Variants in CNBD1 observed in about 807,000 individuals in gnomAD.
CNBD1 encodes cyclic nucleotide binding domain containing 1.
CNBD1 carries 71 observed loss-of-function variants against 54.4 expected under a neutral mutation model. That is an observed-to-expected ratio of 1.30 (90% confidence interval 1.08 to 1.59). CNBD1 has a LOEUF of 1.59. Among genes scored for constraint, CNBD1 ranks in the 40% most tolerant of loss-of-function variants. The pLI, the probability that CNBD1 is intolerant of heterozygous loss-of-function variation, is 0.00. For synonymous variants in CNBD1, 182 were observed against 170.7 expected (o/e 1.07, Z -0.51); for missense variants, 659 against 518.0 (o/e 1.27, Z -2.64).
At chr8:87,104,687 T>G (rs1811497462) in intron 4 of CNBD1, among the ~76,000 whole-genome samples, 1 of 152,260 alleles carries the variant, frequency 6.6e-6, no homozygotes, top group Non-Finnish European at 1.5e-5. Flanking sequence ...TGGTCCATAG[T>G]AAGAACTGAA....
chr8:87,368,907 A>G (rs1810700009), intron 10 of CNBD1, among the ~76,000 whole-genome samples: 1 of 151,882 alleles, frequency 6.6e-6, no homozygotes, highest in Non-Finnish European at 1.5e-5. Flanking sequence ...TCCAAATGTC[A>G]GATTCGGCTT....
chr8:86,891,245 A>G lies in CNBD1; in HGVS notation c.158+3634A>G, dbSNP rs187038313. The stretch of plus-strand genomic sequence containing the variant: ...AGTTTTAGATCTTTTGTATTTAATC[A>G]TTTTGAGTTTATTTTTGTATATGGT... On this transcript the variant is annotated intron_variant, in intron 2 of 10. Transcript: ENST00000518476. 8.4e-4 allele frequency among the ~76,000 whole-genome samples: 128 copies of G among 152,112 alleles called. 1 individual carries two copies. The highest frequency in any genetic ancestry group is 2.8e-3 in the African/African-American group (115 of 41,524).
intron 8 of CNBD1, among the ~76,000 whole-genome samples, chr8:87,345,344 C>T: frequency 6.6e-6 from 1 of 152,086 alleles, no homozygotes; most frequent in African/African-American, 2.4e-5. Context: ...AAACATTTCC[C>T]TTTTAATGTT....
chr8:87,054,431 A>G (rs13255427), intron 4 of CNBD1, among the ~76,000 whole-genome samples: 6,095 of 152,288 alleles, frequency 0.04, 143 homozygotes, highest in Middle Eastern at 0.058. Flanking sequence ...TATCATTGAG[A>G]GATAAATAGG....
intron 10 of CNBD1, among the ~76,000 whole-genome samples, chr8:87,372,381 G>T (rs1222729186): frequency 2.0e-5 from 3 of 151,806 alleles, no homozygotes; most frequent in Non-Finnish European, 4.4e-5. Flanking sequence ...TGTATACTTT[G>T]ATGTTTCCCA....
At chr8:86,906,957 G>A (rs1230095605) in intron 3 of CNBD1, among the ~76,000 whole-genome samples, 1 of 152,168 alleles carries the variant, frequency 6.6e-6, no homozygotes, top group Non-Finnish European at 1.5e-5. Flanking sequence ...ATTAAGATTT[G>A]TTTAAGTGTC....
At chr8:87,029,452 G>C (rs1330802222) in intron 4 of CNBD1, among the ~76,000 whole-genome samples, 2 of 152,140 alleles carry the variant, frequency 1.3e-5, no homozygotes, top group African/African-American at 2.4e-5. Flanking sequence ...ATTTTGTGTA[G>C]TTATGTCACA....
At chr8:87,048,305 T>C (rs1810243571) in intron 4 of CNBD1, among the ~76,000 whole-genome samples, 1 of 152,112 alleles carries the variant, frequency 6.6e-6, no homozygotes, top group Non-Finnish European at 1.5e-5. Flanking sequence ...CCTTGTCAAA[T>C]AGAAAATCAT....
chr8:87,117,775 A>C (rs1811805050), intron 4 of CNBD1, among the ~76,000 whole-genome samples: 1 of 152,224 alleles, frequency 6.6e-6, no homozygotes, highest in Non-Finnish European at 1.5e-5. Flanking sequence ...AAGGTACTCC[A>C]AATATTTGGC....
chr8:86,889,948 G>C (rs529910196), intron 2 of CNBD1, among the ~76,000 whole-genome samples: 6 of 151,902 alleles, frequency 3.9e-5, no homozygotes, highest in Non-Finnish European at 1.5e-5. Context: ...TTTAACTATT[G>C]TCTGGAGAGC....
intron 3 of CNBD1, among the ~76,000 whole-genome samples, chr8:86,936,473 G>A (rs895692625): frequency 1.1e-4 from 16 of 152,144 alleles, no homozygotes; most frequent in African/African-American, 3.9e-4. Context: ...AGGCATGGTG[G>A]CTAACACCTG....
At chr8:87,167,742 C>T (rs1411529295) in intron 4 of CNBD1, among the ~76,000 whole-genome samples, 3 of 151,864 alleles carry the variant, frequency 2.0e-5, no homozygotes, top group Admixed American at 6.6e-5. Context: ...TTATTTTCCA[C>T]TTGGATCAAA....
At chr8:87,091,529 G>A (rs937075578) in intron 4 of CNBD1, among the ~76,000 whole-genome samples, 2 of 152,160 alleles carry the variant, frequency 1.3e-5, no homozygotes, top group Non-Finnish European at 2.9e-5. Context: ...CAGGGAACTA[G>A]GCTTTTTAAG....
chr8:86,973,003 T>C (rs1392610698), intron 4 of CNBD1, among the ~76,000 whole-genome samples: 1 of 152,212 alleles, frequency 6.6e-6, no homozygotes, highest in African/African-American at 2.4e-5. Context: ...GTAAATAATT[T>C]CTTCATTAAA....
intron 8 of CNBD1, among the ~76,000 whole-genome samples, chr8:87,313,311 T>C (rs952221272): frequency 2.0e-5 from 3 of 152,024 alleles, no homozygotes; most frequent in Admixed American, 6.6e-5. Context: ...TAAATCAAAT[T>C]GGAGTTACTA....
intron 8 of CNBD1, among the ~76,000 whole-genome samples, chr8:87,304,107 A>G (rs1288512382): frequency 5.3e-5 from 8 of 152,126 alleles, no homozygotes; most frequent in Middle Eastern, 3.4e-3. Context: ...AACTAGAAAT[A>G]CCATTTGACC....
At chr8:86,986,292 T>C (rs1808605729) in intron 4 of CNBD1, among the ~76,000 whole-genome samples, 1 of 152,206 alleles carries the variant, frequency 6.6e-6, no homozygotes, top group African/African-American at 2.4e-5. Context: ...TATATGTTTA[T>C]TGGCCATTTG....
chr8:87,328,791 A>T (rs1809749157), intron 8 of CNBD1, among the ~76,000 whole-genome samples: 1 of 152,024 alleles, frequency 6.6e-6, no homozygotes, highest in Non-Finnish European at 1.5e-5. Context: ...ACAATGTTTT[A>T]TATTTTTCAG....
chr8:86,963,062 C>G (rs897984834), intron 4 of CNBD1, among the ~76,000 whole-genome samples: 1 of 152,078 alleles, frequency 6.6e-6, no homozygotes, highest in South Asian at 2.1e-4. Flanking sequence ...TCCCTTTGTT[C>G]CTCTCTCTTC....
Sources: gnomAD v4.1 joint callset for allele counts (sites outside exome capture counted in the v4.1 genomes callset) on GRCh38, gnomAD v4.1.1 for gene constraint, MANE v1.5 for transcripts, NCBI Gene and HGNC (gene_info 2026-07-23, HGNC 2026-07-21) for gene names.